The following TAB3 variants were observed in gnomAD, a reference collection of about 807,000 sequenced individuals.
TAB3 encodes TGF-beta activated kinase 1 (MAP3K7) binding protein 3, also known as TGF-beta-activated kinase 1 and MAP3K7-binding protein 3.
A neutral mutation model predicts 48.1 loss-of-function variants in TAB3; 18 were observed. The observed-to-expected ratio is 0.37, with a 90% CI of 0.26 to 0.55. TAB3 has a LOEUF of 0.55. Ranked by LOEUF, TAB3 falls within the 20% of genes least tolerant of loss-of-function variation. The probability of loss-of-function intolerance (pLI) is 0.78; values close to 1 mark genes in which losing one functional copy is unlikely to be tolerated. For missense variants in TAB3, 414 were observed against 549.8 expected, an observed-to-expected ratio of 0.75 and a Z score of 2.47; for synonymous variants, 185 against 190.2, an observed-to-expected ratio of 0.97 and a Z score of 0.22.
Position 30,831,555 on chromosome X carries a change from G to C in TAB3, c.2011C>G (p.Gln671Glu). 1 of 1,211,527 alleles carries C rather than the reference G, an allele frequency of 8.3e-7. No individual in the cohort carries two copies. The highest frequency in any genetic ancestry group is 1.1e-6 in the Non-Finnish European group (1 of 895,432). The change falls in exon 11 of 11, where the codon CAA becomes GAA. Residue 671 changes from glutamine (Q) to glutamate (E), a missense_variant. By Grantham distance (29) the Gln-to-Glu change is conservative. Coordinates refer to ENST00000288422, the MANE Select transcript of TAB3 (RefSeq NM_152787.5). ...AADEHRTGST[Q>E]SPRTQPRDED... ...TCTCGAGGTTGTGTCCGAGGACTTT[G>C]TGTGGAGCCAGTTCGATGCTCTGAG...
At chrX:30,839,590 TGAGTGA>T (rs967059297) in intron 9 of TAB3, among the ~76,000 whole-genome samples, 1 of 110,885 alleles carries the variant, frequency 9.0e-6, no homozygotes, top group Admixed American at 9.7e-5. Flanking sequence ...CTATGGACTC[TGAGTGA>T]TTATGAGGTC....
chrX:30,881,652 G>A (rs1339408852), intron 1 of TAB3, among the ~76,000 whole-genome samples: 1 of 111,145 alleles, frequency 9.0e-6, no homozygotes, highest in Non-Finnish European at 1.9e-5. Context: ...TGATCTTGTA[G>A]GTTTTTGTTA....
chrX:30,851,198 T>C (rs764325914), intron 7 of TAB3, among the ~76,000 whole-genome samples: 9 of 112,270 alleles, frequency 8.0e-5, no homozygotes, highest in Admixed American at 1.9e-4. Context: ...ATACACGATA[T>C]TACAAAAAAG....
chrX:30,852,657 C>CA, intron 7 of TAB3, 121 bp downstream of exon 7: 1 of 767,914 alleles, frequency 1.3e-6, no homozygotes, highest in Non-Finnish European at 1.8e-6. Context: ...TTAAAAAAAG[C>CA]AACAATAACA....
At chrX:30,844,278 CA>C (rs916361298) in intron 8 of TAB3, 11 of 111,927 alleles carry the variant, frequency 9.8e-5, no homozygotes, top group African/African-American at 3.6e-4. Flanking sequence ...CCAATGCAGA[CA>C]AAAAACACAG....
chrX:30,887,906 G>T (rs1433264524), intron 1 of TAB3, among the ~76,000 whole-genome samples: 4 of 112,101 alleles, frequency 3.6e-5, no homozygotes, highest in Admixed American at 9.4e-5. Context: ...GTAAGCAAGT[G>T]GGGGCGGGGG....
chrX:30,882,193 C>A (rs762856848), intron 1 of TAB3, among the ~76,000 whole-genome samples: 1 of 111,286 alleles, frequency 9.0e-6, no homozygotes, highest in South Asian at 3.8e-4. Flanking sequence ...TGCCACAAAT[C>A]GAAACCAAGG....
chrX:30,849,078 A>G (rs1224022328), intron 7 of TAB3, among the ~76,000 whole-genome samples: 1 of 112,057 alleles, frequency 8.9e-6, no homozygotes, highest in Admixed American at 9.5e-5. Context: ...TCTATCTCAA[A>G]ACTCTGAAAG....
intron 2 of TAB3, among the ~76,000 whole-genome samples, chrX:30,871,112 TTGTTA>T (rs1309640174): frequency 2.7e-5 from 3 of 112,276 alleles, no homozygotes; most frequent in Non-Finnish European, 3.8e-5. Context: ...ACGGCTGATA[TTGTTA>T]TGTAGTCTTT....
intron 1 of TAB3, among the ~76,000 whole-genome samples, chrX:30,883,601 C>T (rs1940053936): frequency 1.8e-5 from 2 of 111,682 alleles, no homozygotes; most frequent in African/African-American, 6.5e-5. Flanking sequence ...CGGCCTCTAC[C>T]AGAGGAGAGA....
At position 30,868,356 on chromosome X, in the gene TAB3, TA is replaced by T. The variant is rs1939497658; in HGVS notation, c.-279-808del. The stretch of plus-strand genomic sequence containing the variant: ...TATAAGCTTTTATATATATAGCTTA[TA>T]TATATATATATAGCTTATATATATA... On this transcript the variant is annotated intron_variant, in intron 2 of 10. Coordinates refer to ENST00000288422, the MANE Select transcript of TAB3 (RefSeq NM_152787.5). Among the ~76,000 whole-genome samples, 2 of 9,348 alleles carry T rather than the reference TA, an allele frequency of 2.1e-4. 1 individual carries two copies. Among genetic ancestry groups the T allele is most frequent in the African/African-American group, 2.8e-3 (2 of 705 alleles). 8.1% of individuals were successfully genotyped at this position (9,348 alleles called of 115,157 possible). A position where few individuals can be genotyped will look rare whatever the true frequency, so the allele number is the denominator to read the frequency against.
At chrX:30,835,888 T>G (rs2147326295) in intron 9 of TAB3, 1 of 112,693 alleles carries the variant, frequency 8.9e-6, no homozygotes, top group East Asian at 2.8e-4. Context: ...CCAAGACATT[T>G]ATTTATTCGA....
Position 30,846,547 on chromosome X carries a change from A to G in TAB3, c.1804+4T>C, listed in dbSNP as rs1252185288. 1 of 1,167,623 alleles carries G rather than the reference A, an allele frequency of 8.6e-7. No individual in the cohort carries two copies. The highest frequency in any genetic ancestry group is 2.2e-5 in the Admixed American group (1 of 45,421). On this transcript the variant is annotated splice_donor_region_variant and intron_variant, in intron 8 of 10. Coordinates refer to ENST00000288422, the MANE Select transcript of TAB3 (RefSeq NM_152787.5). ...TATGGTTTACCAAATAATCAAGTCTATACCTCTAGATTGAAGGAGGTCAAC... is the reference window on the plus strand; with the variant it reads ...TATGGTTTACCAAATAATCAAGTCTGTACCTCTAGATTGAAGGAGGTCAAC...
intron 8 of TAB3, chrX:30,844,152 C>T (rs1209062416): frequency 8.2e-5 from 9 of 110,346 alleles, no homozygotes; most frequent in Non-Finnish European, 1.7e-4. Flanking sequence ...ATTGGAAACT[C>T]AGTATAAAAA....
At chrX:30,832,637 A>C (rs1278778861) in intron 10 of TAB3, among the ~76,000 whole-genome samples, 2 of 112,364 alleles carry the variant, frequency 1.8e-5, no homozygotes, top group Non-Finnish European at 3.8e-5. Context: ...AAATGTTATA[A>C]CATTCCCCAA....
chrX:30,848,987 T>C (rs1440304721), intron 7 of TAB3, among the ~76,000 whole-genome samples: 4 of 111,287 alleles, frequency 3.6e-5, no homozygotes, highest in Admixed American at 9.6e-5. Context: ...TAAAATCTTA[T>C]CCTTCAAGGT....
At position 30,885,841 on chromosome X, in the gene TAB3, G is replaced by A. The variant is rs1045971743; in HGVS notation, c.-383+3273C>T. On this transcript the variant is annotated intron_variant, in intron 1 of 10. Coordinates refer to ENST00000288422, the MANE Select transcript of TAB3 (RefSeq NM_152787.5). The stretch of plus-strand genomic sequence containing the variant: ...CAGGGTGGGGTAAGAGATCTTATCC[G>A]CATCCCTCTTGACCTCCTAGAGCAC... Among the ~76,000 whole-genome samples, 6 of 111,629 alleles carry A rather than the reference G, an allele frequency of 5.4e-5. No individual in the cohort carries two copies. The South Asian group carries it at 1.9e-3, about 35-fold the overall frequency.
At chrX:30,888,326 C>T (rs753205063) in intron 1 of TAB3, among the ~76,000 whole-genome samples, 1 of 112,345 alleles carries the variant, frequency 8.9e-6, no homozygotes, top group Non-Finnish European at 1.9e-5. Context: ...CTGACAAGCC[C>T]GGTCTGGACC....
chrX:30,846,536 T>C lies in TAB3; in HGVS notation c.1804+15A>G. 8.9e-7 allele frequency: 1 copy of C among 1,120,405 alleles called. No individual in the cohort carries two copies. The allele number at this position is 1,120,405 out of a possible 1,213,427, so 92.3% of individuals were successfully genotyped here. Reference sequence around the variant, plus strand: ...ACACTATTACTTATGGTTTACCAAATAATCAAGTCTATACCTCTAGATTGA... The same window carrying C: ...ACACTATTACTTATGGTTTACCAAACAATCAAGTCTATACCTCTAGATTGA... On this transcript the variant is annotated intron_variant, in intron 8 of 10. Transcript: ENST00000288422.
Sources: allele counts gnomAD v4.1 joint callset (sites outside exome capture counted in the v4.1 genomes callset), GRCh38; gene constraint gnomAD v4.1.1; transcripts MANE v1.5; gene names NCBI Gene and HGNC (gene_info 2026-07-23, HGNC 2026-07-21).